Variants in ACP7 observed in about 807,000 individuals in gnomAD.
The protein encoded by ACP7 is acid phosphatase 7, tartrate resistant (putative), also known as acid phosphatase type 7.
ACP7 carries 58 observed loss-of-function variants against 60.6 expected under a neutral mutation model. The ratio of observed to expected loss-of-function variants is 0.96; its 90% CI spans 0.77 to 1.19. The LOEUF is 1.19. Ranked by LOEUF, ACP7 falls within the 50% of genes most tolerant of loss-of-function variation. The pLI is 0.00. For missense variants in ACP7, 574 were observed against 596.2 expected (o/e 0.96, Z 0.39); for synonymous variants, 237 against 232.6 (o/e 1.02, Z -0.17).
At chr19:39,102,781 T>C (rs10425486) in intron 11 of ACP7, among the ~76,000 whole-genome samples, 25,828 of 117,682 alleles carry the variant, frequency 0.22, 3,040 homozygotes, top group East Asian at 0.43. Context: ...CTCTCTCTCT[T>C]TCTCTCTCTC....
chr19:39,104,125 A>T (rs2073387367), intron 11 of ACP7, among the ~76,000 whole-genome samples: 2 of 151,430 alleles, frequency 1.3e-5, no homozygotes, highest in South Asian at 4.2e-4. Context: ...CATATATATA[A>T]AAGTAAGAAT....
chr19:39,093,815 C>T (rs755578403), intron 2 of ACP7, among the ~76,000 whole-genome samples: 35 of 152,172 alleles, frequency 2.3e-4, no homozygotes, highest in Non-Finnish European at 1.8e-4. Context: ...TTTCTATACC[C>T]CCTTACATTA....
chr19:39,098,798 A>G (rs1366480647), intron 3 of ACP7, 140 bp downstream of exon 3: 1 of 1,356,682 alleles, frequency 7.4e-7, no homozygotes, highest in African/African-American at 1.5e-5. Context: ...ATGAGACCCC[A>G]GGATGAAAAC....
intron 2 of ACP7, among the ~76,000 whole-genome samples, chr19:39,089,013 T>C (rs2073175535): frequency 6.6e-6 from 1 of 151,856 alleles, no homozygotes; most frequent in South Asian, 2.1e-4. Flanking sequence ...CACTGCAACC[T>C]CTGCCTCCCA....
chr19:39,090,985 G>A (rs147411326), intron 2 of ACP7, among the ~76,000 whole-genome samples: 1 of 151,890 alleles, frequency 6.6e-6, no homozygotes, highest in Admixed American at 6.6e-5. Context: ...GATTGTCCCA[G>A]ATTTGGTCTC....
At chr19:39,098,411 C>A in intron 2 of ACP7, 47 bp from the exon 3 acceptor site, 1 of 1,359,384 alleles carries the variant, frequency 7.4e-7, no homozygotes, top group South Asian at 1.5e-5. Flanking sequence ...CCCTCCCACC[C>A]TGCCCAGGCT....
rs1555769415 is a variant in ACP7 at position 39,102,715 on chromosome 19, T to TTACTTTCTTTCTTTCTTTCTTTC, written c.1113+1179_1113+1180insACTTTCTTTCTTTCTTTCTTTCT. Reference sequence around the variant, plus strand: ...ATTACTAAGCTGTTCCAATGAAGACTTTTCTTTCTTTCTTTCTTTCTTTCT... The same window carrying TTACTTTCTTTCTTTCTTTCTTTC: ...ATTACTAAGCTGTTCCAATGAAGACTTACTTTCTTTCTTTCTTTCTTTCTTTCTTTCTTTCTTTCTTTCTTTCT... On this transcript the variant is annotated intron_variant, in intron 11 of 12. Transcript: ENST00000331256. Among the ~76,000 whole-genome samples, 34 of 118,708 alleles carry TTACTTTCTTTCTTTCTTTCTTTC rather than the reference T, an allele frequency of 2.9e-4. 1 individual carries two copies. The highest frequency in any genetic ancestry group is 1.3e-3 in the East Asian group (5 of 3,974). The allele number at this position is 118,708 out of a possible 152,430, so 77.9% of individuals were successfully genotyped here.
chr19:39,107,825 G>T (rs1015420489), intron 12 of ACP7, among the ~76,000 whole-genome samples: 1 of 151,952 alleles, frequency 6.6e-6, no homozygotes, highest in African/African-American at 2.4e-5. Context: ...GGTGAAGTTT[G>T]CAGTGACCCA....
chr19:39,085,472 A>G, intron 2 of ACP7, 82 bp downstream of exon 2: 2 of 1,493,868 alleles, frequency 1.3e-6, no homozygotes, highest in South Asian at 2.7e-5. Context: ...GGAATCCCAC[A>G]CTGTGAGCCC....
chr19:39,106,839 T>C lies in ACP7; in HGVS notation c.1114-108T>C, dbSNP rs1037881575. On this transcript the variant is annotated intron_variant, in intron 11 of 12. Transcript: ENST00000331256. ...GCGCCCGGCCTCTATGGTGGTCAAGTCTTCACTGTCTTCCTTGAGGGCAGC... is the reference window on the plus strand; with the variant it reads ...GCGCCCGGCCTCTATGGTGGTCAAGCCTTCACTGTCTTCCTTGAGGGCAGC... 5.0e-6 allele frequency: 7 copies of C among 1,399,368 alleles called. No individual in the cohort carries two copies. In the African/African-American group the frequency reaches 5.7e-5, roughly 11 times the overall value. 86.7% of individuals were successfully genotyped at this position (1,399,368 alleles called of 1,614,324 possible). A position where few individuals can be genotyped will look rare whatever the true frequency, so the allele number is the denominator to read the frequency against.
intron 11 of ACP7, among the ~76,000 whole-genome samples, chr19:39,103,472 G>T: frequency 1.9e-5 from 1 of 53,708 alleles, no homozygotes; most frequent in East Asian, 4.8e-4. Context: ...TTTTTGCTCA[G>T]CCTTAGAATC....
intron 1 of ACP7, among the ~76,000 whole-genome samples, chr19:39,084,693 T>G (rs2073121207): frequency 6.6e-6 from 1 of 151,712 alleles, no homozygotes; most frequent in African/African-American, 2.4e-5. Context: ...GCGGGAATGC[T>G]TGGAATCTCG....
intron 2 of ACP7, among the ~76,000 whole-genome samples, chr19:39,091,554 C>T (rs1053383631): frequency 2.0e-5 from 3 of 152,146 alleles, no homozygotes; most frequent in African/African-American, 7.2e-5. Flanking sequence ...TAGTTCCTCT[C>T]AACAAACACA....
chr19:39,100,371 CGG>C, intron 5 of ACP7, 21 bp downstream of exon 5: 1 of 1,612,836 alleles, frequency 6.2e-7, no homozygotes, highest in South Asian at 1.1e-5. Flanking sequence ...AGGGTGGTGG[CGG>C]TGGGCGAGGG....
At position 39,106,989 on chromosome 19, in the gene ACP7, C is replaced by T; in HGVS notation, c.1156C>T (p.Pro386Ser). Residue 386 changes from proline (P) to serine (S), a missense_variant, in exon 12 of 13, where the codon CCC becomes TCC. By Grantham distance (74) the Pro-to-Ser change is moderately conservative (BLOSUM62 -1). Coordinates refer to ENST00000331256, the MANE Select transcript of ACP7 (RefSeq NM_001004318.3). ...RLTPFAVFPR[P>S]WSAVRVKEYG... ...GACGCCCTTTGCTGTCTTCCCGAGGCCCTGGAGTGCCGTGCGTGTGAAGGA... is the reference window on the plus strand; with the variant it reads ...GACGCCCTTTGCTGTCTTCCCGAGGTCCTGGAGTGCCGTGCGTGTGAAGGA... 1.9e-6 allele frequency: 3 copies of T among 1,614,054 alleles called. No individual in the cohort carries two copies. The highest frequency in any genetic ancestry group is 2.5e-6 in the Non-Finnish European group (3 of 1,180,012).
intron 2 of ACP7, among the ~76,000 whole-genome samples, chr19:39,093,850 C>A (rs1275473109): frequency 6.6e-6 from 1 of 152,312 alleles, no homozygotes; most frequent in Admixed American, 6.5e-5. Flanking sequence ...TACTCTTATG[C>A]ACTTTGCTTT....
At position 39,086,892 on chromosome 19, in the gene ACP7, ATAAC is replaced by A. The variant is rs1355833730; in HGVS notation, c.121+1503_121+1506del. Among the ~76,000 whole-genome samples, 6 of 152,348 alleles carry A rather than the reference ATAAC, an allele frequency of 3.9e-5. No homozygotes were observed. In the East Asian group the frequency reaches 7.7e-4, roughly 20 times the overall value. On this transcript the variant is annotated intron_variant, in intron 2 of 12. Coordinates refer to ENST00000331256, the MANE Select transcript of ACP7 (RefSeq NM_001004318.3). Reference sequence around the variant, plus strand: ...TTTTTATTGTCATTTAAAATTAACAATAACAAACACCTTCAGTATTAATGTATAT... The same window carrying A: ...TTTTTATTGTCATTTAAAATTAACAAAAACACCTTCAGTATTAATGTATAT...
At chr19:39,105,761 C>T (rs901254996) in intron 11 of ACP7, among the ~76,000 whole-genome samples, 1 of 152,194 alleles carries the variant, frequency 6.6e-6, no homozygotes, top group Non-Finnish European at 1.5e-5. Flanking sequence ...ATCTGCCCGC[C>T]TCGGCCTCCC....
intron 2 of ACP7, among the ~76,000 whole-genome samples, chr19:39,094,320 C>T (rs900161810): frequency 5.3e-5 from 8 of 151,804 alleles, no homozygotes; most frequent in South Asian, 2.1e-4. Context: ...CTGGCCAACA[C>T]GGTGAAACCC....
Sources: allele counts gnomAD v4.1 joint callset (sites outside exome capture counted in the v4.1 genomes callset), GRCh38; gene constraint gnomAD v4.1.1; transcripts MANE v1.5; gene names NCBI Gene and HGNC (gene_info 2026-07-23, HGNC 2026-07-21).